The following CPVL variants were observed in gnomAD, a reference collection of about 807,000 sequenced individuals.
CPVL encodes the protein probable serine carboxypeptidase CPVL.
A neutral mutation model predicts 63.7 loss-of-function variants in CPVL; 51 were observed. The observed-to-expected ratio is 0.80, with a 90% CI of 0.64 to 1.01. The LOEUF (loss-of-function observed/expected upper bound fraction) is 1.01, where lower values mean the gene tolerates loss of function less well. CPVL is among the 50% of genes least tolerant of loss of function. The pLI, the probability that CPVL is intolerant of heterozygous loss-of-function variation, is 0.00. For synonymous variants in CPVL, 195 were observed against 206.0 expected, an observed-to-expected ratio of 0.95 and a Z score of 0.46; for missense variants, 530 against 573.1, an observed-to-expected ratio of 0.92 and a Z score of 0.77.
intron 5 of CPVL, among the ~76,000 whole-genome samples, chr7:29,174,162 A>G (rs1481982433): frequency 3.3e-5 from 5 of 152,048 alleles, no homozygotes; most frequent in African/African-American, 1.2e-4. Flanking sequence ...AGGATGCAGG[A>G]GGAGGTGGCT....
chr7:29,154,218 A>G (rs1157388812), intron 5 of CPVL, among the ~76,000 whole-genome samples: 1 of 152,188 alleles, frequency 6.6e-6, no homozygotes, highest in Non-Finnish European at 1.5e-5. Flanking sequence ...ACAGGATGCC[A>G]GCAGACAGAG....
intron 10 of CPVL, 69 bp from the exon 11 acceptor site, chr7:29,064,303 C>A: frequency 1.1e-6 from 1 of 939,616 alleles, no homozygotes; most frequent in Non-Finnish European, 1.6e-6. Context: ...TTGGGAAAAG[C>A]TGTGAATTTC....
At chr7:29,035,136 TTTATTA>T (rs1249222959) in intron 11 of CPVL, among the ~76,000 whole-genome samples, 1 of 152,106 alleles carries the variant, frequency 6.6e-6, no homozygotes, top group East Asian at 1.9e-4. Context: ...GAAAAGCATC[TTTATTA>T]TTATTAATTC....
intron 7 of CPVL, among the ~76,000 whole-genome samples, chr7:29,081,701 C>T (rs1562758765): frequency 6.6e-6 from 1 of 152,202 alleles, no homozygotes; most frequent in East Asian, 1.9e-4. Flanking sequence ...GCTCTTGTCT[C>T]CAGGCATTAG....
chr7:29,127,105 T>C (rs1329610843), intron 1 of CPVL, among the ~76,000 whole-genome samples: 1 of 152,132 alleles, frequency 6.6e-6, no homozygotes, highest in Non-Finnish European at 1.5e-5. Flanking sequence ...TAGAGGTGTG[T>C]GGCAGGGAGA....
At position 29,049,460 on chromosome 7, in the gene CPVL, A is replaced by G. The variant is rs190316505; in HGVS notation, c.1137+14601T>C. ...GAAAAATACAATCCTCCTAGCTTAA[A>G]TCAGGAAGAATTAGATACCCTGAAC... On this transcript the variant is annotated intron_variant, in intron 11 of 12. Coordinates refer to ENST00000265394, the MANE Select transcript of CPVL (RefSeq NM_031311.5). Among the ~76,000 whole-genome samples, 52 of 152,320 alleles carry G rather than the reference A, an allele frequency of 3.4e-4. No homozygotes were observed. The East Asian group carries it at 9.4e-3, about 28-fold the overall frequency.
At chr7:29,087,158 G>A (rs560404960) in intron 6 of CPVL, among the ~76,000 whole-genome samples, 35 of 152,292 alleles carry the variant, frequency 2.3e-4, no homozygotes, top group African/African-American at 8.4e-4. Context: ...CAGGGCGGTG[G>A]CTCATGCCTA....
chr7:29,087,828 T>C (rs1785369112), intron 6 of CPVL, among the ~76,000 whole-genome samples: 1 of 152,240 alleles, frequency 6.6e-6, no homozygotes, highest in African/African-American at 2.4e-5. Flanking sequence ...TGCATAAAAA[T>C]TCACCATGAA....
intron 3 of CPVL, among the ~76,000 whole-genome samples, chr7:29,102,740 C>A (rs549251780): frequency 6.6e-6 from 1 of 152,020 alleles, no homozygotes; most frequent in South Asian, 2.1e-4. Context: ...ATTCTTCTGG[C>A]GACCCCTGGT....
chr7:29,059,418 T>C (rs73684548), intron 11 of CPVL, among the ~76,000 whole-genome samples: 1,692 of 152,324 alleles, frequency 0.011, 29 homozygotes, highest in African/African-American at 0.039. Context: ...ACTGCAAGGC[T>C]GTAACTCTGA....
intron 1 of CPVL, chr7:29,194,688 A>G (rs1783399293): frequency 1.0e-5 from 4 of 382,416 alleles, no homozygotes; most frequent in South Asian, 9.1e-5. Flanking sequence ...GCTCCCACCT[A>G]CCCCCTGACA....
intron 12 of CPVL, among the ~76,000 whole-genome samples, chr7:29,018,433 C>G (rs1443449420): frequency 2.2e-5 from 3 of 138,178 alleles, no homozygotes; most frequent in Non-Finnish European, 4.5e-5. Context: ...ATCTGGAGTG[C>G]AGTGGCGCGA....
chr7:29,117,184 G>A lies in CPVL; in HGVS notation c.169+3709C>T, dbSNP rs140491481. Reference sequence around the variant, plus strand: ...ACACAGATTTAATATTTTAAATGTTGTCAATCATCAGATGAAGATCTACCA... The same window carrying A: ...ACACAGATTTAATATTTTAAATGTTATCAATCATCAGATGAAGATCTACCA... On this transcript the variant is annotated intron_variant, in intron 2 of 12. Coordinates refer to ENST00000265394, the MANE Select transcript of CPVL (RefSeq NM_031311.5). Among the ~76,000 whole-genome samples the A allele has an allele frequency of 8.5e-5, 13 of 152,302 alleles. No homozygotes were observed. The East Asian group carries it at 2.1e-3, about 25-fold the overall frequency.
At chr7:29,136,470 G>C (rs564280764) in intron 1 of CPVL, among the ~76,000 whole-genome samples, 1 of 152,252 alleles carries the variant, frequency 6.6e-6, no homozygotes, top group East Asian at 1.9e-4. Context: ...AAAGTCAGGA[G>C]GTAAGGTATG....
intron 11 of CPVL, among the ~76,000 whole-genome samples, chr7:29,056,549 C>G (rs1490717672): frequency 6.6e-6 from 1 of 152,108 alleles, no homozygotes; most frequent in Non-Finnish European, 1.5e-5. Flanking sequence ...AATAAAATTT[C>G]ATTGTCTGGA....
At chr7:29,041,648 C>T (rs1299545835) in intron 11 of CPVL, among the ~76,000 whole-genome samples, 9 of 152,028 alleles carry the variant, frequency 5.9e-5, no homozygotes, top group Admixed American at 1.3e-4. Flanking sequence ...CAATAAGAAA[C>T]GGCCCTGCAA....
chr7:29,069,030 A>T (rs970387296), intron 9 of CPVL, among the ~76,000 whole-genome samples: 1 of 152,014 alleles, frequency 6.6e-6, no homozygotes, highest in Non-Finnish European at 1.5e-5. Flanking sequence ...ACCATAGGCC[A>T]GGGTCATTCT....
chr7:29,164,708 G>A (rs1795660546), intron 5 of CPVL, among the ~76,000 whole-genome samples: 1 of 146,774 alleles, frequency 6.8e-6, no homozygotes, highest in Non-Finnish European at 1.5e-5. Context: ...TTGAACCTGG[G>A]AGGCGGAGGT....
At chr7:29,195,120 C>T (rs908863298) in exon 1 of CPVL, 3 of 924,152 alleles carry the variant, frequency 3.2e-6, no homozygotes, top group Non-Finnish European at 4.7e-6. Flanking sequence ...GGCAGGCGTC[C>T]GGGGTGATAC....
Sources: allele counts gnomAD v4.1 joint callset (sites outside exome capture counted in the v4.1 genomes callset), GRCh38; gene constraint gnomAD v4.1.1; transcripts MANE v1.5; gene names NCBI Gene and HGNC (gene_info 2026-07-23, HGNC 2026-07-21).